Variants in NCAM2 observed in about 807,000 individuals in gnomAD.
NCAM2 encodes neural cell adhesion molecule 2.
NCAM2 carries 30 observed loss-of-function variants against 98.1 expected under a neutral mutation model. The observed-to-expected ratio is 0.31, with a 90% CI of 0.23 to 0.41. NCAM2 has a LOEUF of 0.41. NCAM2 is among the 10% of genes least tolerant of loss of function. The probability of loss-of-function intolerance (pLI) is 1.00; values close to 1 mark genes in which losing one functional copy is unlikely to be tolerated. For missense variants in NCAM2, 867 were observed against 1,005.8 expected (o/e 0.86, Z 1.87); for synonymous variants, 368 against 342.4 (o/e 1.07, Z -0.83).
chr21:21,021,257 T>G (rs979990867), intron 1 of NCAM2, among the ~76,000 whole-genome samples: 3 of 152,160 alleles, frequency 2.0e-5, no homozygotes, highest in African/African-American at 4.8e-5. Context: ...TAAGAAAACA[T>G]TCATCTCTTT....
chr21:21,474,071 A>G (rs1984835635), intron 14 of NCAM2, among the ~76,000 whole-genome samples: 1 of 152,056 alleles, frequency 6.6e-6, no homozygotes, highest in Non-Finnish European at 1.5e-5. Flanking sequence ...GATTATCTTA[A>G]ATTGTTCCCT....
intron 5 of NCAM2, among the ~76,000 whole-genome samples, chr21:21,316,651 C>T (rs577263035): frequency 7.6e-5 from 11 of 143,852 alleles, no homozygotes; most frequent in Admixed American, 2.2e-4. Flanking sequence ...TCAAGTGATT[C>T]TCCTGCCTCA....
intron 1 of NCAM2, among the ~76,000 whole-genome samples, chr21:21,023,534 A>T (rs942272693): frequency 6.6e-6 from 1 of 151,398 alleles, no homozygotes; most frequent in African/African-American, 2.4e-5. Flanking sequence ...AAAAAAAAAA[A>T]GAAGAAGAAG....
chr21:21,476,484 G>T (rs113673064), intron 14 of NCAM2, among the ~76,000 whole-genome samples: 1 of 152,096 alleles, frequency 6.6e-6, no homozygotes, highest in African/African-American at 2.4e-5. Context: ...GGTTAAGGAA[G>T]CTTTCTGTGT....
intron 1 of NCAM2, among the ~76,000 whole-genome samples, chr21:21,264,684 T>TAC (rs1010618625): frequency 6.7e-6 from 1 of 149,648 alleles, no homozygotes; most frequent in African/African-American, 2.4e-5. Context: ...CACACATATA[T>TAC]ACACACACAT....
chr21:21,139,672 G>A (rs1820691209), intron 1 of NCAM2, among the ~76,000 whole-genome samples: 1 of 152,048 alleles, frequency 6.6e-6, no homozygotes, highest in Non-Finnish European at 1.5e-5. Context: ...ATTCTAAGGG[G>A]AAGATTAAAT....
At chr21:21,102,155 C>T (rs145035509) in intron 1 of NCAM2, among the ~76,000 whole-genome samples, 2 of 152,128 alleles carry the variant, frequency 1.3e-5, no homozygotes, top group African/African-American at 4.8e-5. Flanking sequence ...AAAATATGCA[C>T]ACTTGTGTTA....
At chr21:21,333,166 G>C (rs1040693466) in intron 6 of NCAM2, among the ~76,000 whole-genome samples, 1 of 152,092 alleles carries the variant, frequency 6.6e-6, no homozygotes, top group African/African-American at 2.4e-5. Flanking sequence ...TATTGGGAGG[G>C]AGTAATAAGG....
At chr21:21,524,685 G>A (rs1184188427) in intron 16 of NCAM2, among the ~76,000 whole-genome samples, 3 of 152,192 alleles carry the variant, frequency 2.0e-5, no homozygotes, top group East Asian at 1.9e-4. Flanking sequence ...ATCTGTAGAC[G>A]AATTAATCCA....
At chr21:21,407,144 A>G (rs1400256889) in intron 9 of NCAM2, among the ~76,000 whole-genome samples, 1 of 152,196 alleles carries the variant, frequency 6.6e-6, no homozygotes, top group Non-Finnish European at 1.5e-5. Context: ...GTGCTATGCA[A>G]GAGTCACATC....
chr21:21,027,424 A>G (rs1221520821), intron 1 of NCAM2, among the ~76,000 whole-genome samples: 1 of 152,222 alleles, frequency 6.6e-6, no homozygotes, highest in East Asian at 1.9e-4. Context: ...AGTTTCATTC[A>G]GAGAAGTTAC....
intron 8 of NCAM2, among the ~76,000 whole-genome samples, chr21:21,339,600 T>TA (rs1385699454): frequency 1.3e-5 from 2 of 152,028 alleles, no homozygotes; most frequent in African/African-American, 4.8e-5. Flanking sequence ...ATTATTAACT[T>TA]TATTTAGGTA....
At chr21:21,156,572 G>A (rs1231029841) in intron 1 of NCAM2, among the ~76,000 whole-genome samples, 1 of 135,864 alleles carries the variant, frequency 7.4e-6, no homozygotes, top group African/African-American at 2.7e-5. Context: ...AGTGTAAATA[G>A]ATAGATTATA....
At chr21:21,310,312 G>A (rs1035053275) in intron 5 of NCAM2, among the ~76,000 whole-genome samples, 3 of 152,102 alleles carry the variant, frequency 2.0e-5, no homozygotes, top group Admixed American at 6.5e-5. Context: ...ACTGAAACAT[G>A]GCCCACATTT....
intron 1 of NCAM2, among the ~76,000 whole-genome samples, chr21:21,185,261 T>A (rs2068602510): frequency 6.6e-6 from 1 of 152,170 alleles, no homozygotes; most frequent in African/African-American, 2.4e-5. Flanking sequence ...ATCCATATGT[T>A]GTAGATGTCA....
At chr21:21,087,079 C>CGT (rs370266692) in intron 1 of NCAM2, among the ~76,000 whole-genome samples, 1 of 149,256 alleles carries the variant, frequency 6.7e-6, no homozygotes, top group African/African-American at 2.5e-5. Flanking sequence ...TGTGTGTGTG[C>CGT]GTGTGTGTGT....
chr21:21,068,182 G>T (rs2065481594), intron 1 of NCAM2, among the ~76,000 whole-genome samples: 1 of 141,528 alleles, frequency 7.1e-6, no homozygotes, highest in African/African-American at 2.6e-5. Context: ...TGTCGCCTAG[G>T]CTGGAGTACA....
intron 15 of NCAM2, among the ~76,000 whole-genome samples, chr21:21,499,568 T>C (rs1399789740): frequency 6.6e-6 from 1 of 151,772 alleles, no homozygotes; most frequent in African/African-American, 2.4e-5. Flanking sequence ...AAACAAAATG[T>C]TTGTACTTGC....
intron 15 of NCAM2, among the ~76,000 whole-genome samples, chr21:21,493,146 A>T (rs547378888): frequency 2.0e-5 from 3 of 152,084 alleles, no homozygotes; most frequent in Non-Finnish European, 4.4e-5. Context: ...AGGGAAAAAT[A>T]TTTATCTAAA....
Sources: allele counts gnomAD v4.1 joint callset (sites outside exome capture counted in the v4.1 genomes callset), GRCh38; gene constraint gnomAD v4.1.1; transcripts MANE v1.5; gene names NCBI Gene and HGNC (gene_info 2026-07-23, HGNC 2026-07-21).